Variants in CLNK observed in about 807,000 individuals in gnomAD.
The protein encoded by CLNK is cytokine dependent hematopoietic cell linker, also known as cytokine-dependent hematopoietic cell linker.
In CLNK, 74 loss-of-function variants were observed where a neutral mutation model predicts 68.6. The ratio of observed to expected loss-of-function variants is 1.08; its 90% CI spans 0.89 to 1.31. The LOEUF (loss-of-function observed/expected upper bound fraction) is 1.31. CLNK is among the 50% of genes most tolerant of loss of function. The probability of loss-of-function intolerance (pLI) is 0.00; values close to 1 mark genes in which losing one functional copy is unlikely to be tolerated. For missense variants in CLNK, 553 were observed against 515.3 expected, an observed-to-expected ratio of 1.07 and a Z score of -0.71; for synonymous variants, 198 against 172.2, an observed-to-expected ratio of 1.15 and a Z score of -1.17.
intron 2 of CLNK, among the ~76,000 whole-genome samples, chr4:10,606,119 CA>C (rs1475004916): frequency 2.6e-5 from 4 of 152,120 alleles, no homozygotes; most frequent in South Asian, 4.1e-4. Context: ...ACACTTAAAA[CA>C]AAAACACATT....
the CLNK span, among the ~76,000 whole-genome samples, chr4:10,711,847 C>A: frequency 2.6e-5 from 4 of 152,134 alleles, no homozygotes; most frequent in Non-Finnish European, 4.4e-5. Flanking sequence ...CCTGACTACT[C>A]CTGTGATCTG....
intron 1 of CLNK, among the ~76,000 whole-genome samples, chr4:10,670,636 G>A (rs575989540): frequency 3.3e-5 from 5 of 152,214 alleles, no homozygotes; most frequent in East Asian, 1.9e-4. Flanking sequence ...CTGGGCTTTC[G>A]TTTCTTCACC....
At chr4:10,560,681 C>A (rs931037743) in intron 7 of CLNK, among the ~76,000 whole-genome samples, 1 of 152,242 alleles carries the variant, frequency 6.6e-6, no homozygotes, top group East Asian at 1.9e-4. Context: ...TGGGCTCAAG[C>A]AATCCCCCTG....
intron 2 of CLNK, among the ~76,000 whole-genome samples, chr4:10,606,290 CT>C (rs1459576742): frequency 2.0e-5 from 3 of 152,184 alleles, no homozygotes; most frequent in African/African-American, 4.8e-5. Context: ...AATGGCATCA[CT>C]ACCTGCCGCC....
Position 10,490,482 on chromosome 4 carries a change from G to A in CLNK, c.1272C>T (p.His424=), listed in dbSNP as rs1716521523. The A allele has an allele frequency of 3.1e-6, 5 of 1,613,558 alleles. No homozygotes were observed. Among genetic ancestry groups the A allele is most frequent in the Non-Finnish European group, 4.2e-6 (5 of 1,179,758 alleles). The change falls in exon 19 of 19, where the codon CAC becomes CAT. Residue 424 remains histidine, a synonymous_variant. Coordinates refer to ENST00000226951, the MANE Select transcript of CLNK (RefSeq NM_052964.4). The part of the protein sequence containing the change: ...HLTQPLPLTR[H]LLPL ...AAAGACCAGGCTACAGAGGCAAGAG[G>A]TGTCTGGTGAGAGGGAGTGGCTGAG...
chr4:10,540,557 G>T lies in CLNK; in HGVS notation c.539C>A (p.Pro180Gln). 6.2e-7 allele frequency: 1 copy of T among 1,613,888 alleles called. No individual in the cohort carries two copies. ...PKKYQPLPPE[P>Q]ESSRPPLSQR... Reference sequence around the variant, plus strand: ...AGATAAAGGTGGCCTGCTGCTCTCCGGCTCAGGGGGCAAGGGTTGGTACTT... The same window carrying T: ...AGATAAAGGTGGCCTGCTGCTCTCCTGCTCAGGGGGCAAGGGTTGGTACTT... The change falls in exon 11 of 19, where the codon CCG (proline) becomes CAG (glutamine). Residue 180 changes from proline (P) to glutamine (Q), a missense_variant. Coordinates refer to ENST00000226951, the MANE Select transcript of CLNK (RefSeq NM_052964.4).
In CLNK at chr4:10,503,024, T is replaced by C. The variant is rs188142419; in HGVS notation, c.985-1613A>G. Among the ~76,000 whole-genome samples the C allele has an allele frequency of 2.3e-3, 346 of 152,312 alleles. 1 individual carries two copies. Among genetic ancestry groups the C allele is most frequent in the African/African-American group, 7.3e-3 (303 of 41,572 alleles). ...GATACTAAGATCTGGTTGTAAAAGATTGAGAAATGGAGCAGTCCTCCTGAA... is the reference window on the plus strand; with the variant it reads ...GATACTAAGATCTGGTTGTAAAAGACTGAGAAATGGAGCAGTCCTCCTGAA... On this transcript the variant is annotated intron_variant, in intron 17 of 18. Coordinates refer to ENST00000226951, the MANE Select transcript of CLNK (RefSeq NM_052964.4).
At chr4:10,568,764 C>T (rs61795103) in intron 5 of CLNK, among the ~76,000 whole-genome samples, 6,201 of 152,266 alleles carry the variant, frequency 0.041, 191 homozygotes, top group Middle Eastern at 0.095. Context: ...GAGAATGCAG[C>T]CCTGCCAGCA....
At chr4:10,502,778 C>G (rs972973282) in intron 17 of CLNK, among the ~76,000 whole-genome samples, 1 of 151,728 alleles carries the variant, frequency 6.6e-6, no homozygotes, top group African/African-American at 2.4e-5. Context: ...GAATTGTAGC[C>G]TATGTTGAGG....
intron 8 of CLNK, among the ~76,000 whole-genome samples, chr4:10,555,517 C>T (rs1719634775): frequency 6.6e-6 from 1 of 152,104 alleles, no homozygotes; most frequent in African/African-American, 2.4e-5. Flanking sequence ...TAAACTTTTA[C>T]CTATTTTTAG....
intron 5 of CLNK, among the ~76,000 whole-genome samples, chr4:10,569,834 C>T (rs903997530): frequency 1.3e-5 from 2 of 152,204 alleles, no homozygotes; most frequent in African/African-American, 4.8e-5. Context: ...ACTAAACCCA[C>T]CTTATCTTGT....
the CLNK span, among the ~76,000 whole-genome samples, chr4:10,725,716 G>T: frequency 6.6e-6 from 1 of 152,062 alleles, no homozygotes; most frequent in East Asian, 1.9e-4. Context: ...TTAGCCGGGC[G>T]TGTTGGCGGG....
At chr4:10,653,618 C>G (rs971410703) in intron 2 of CLNK, among the ~76,000 whole-genome samples, 1 of 151,988 alleles carries the variant, frequency 6.6e-6, no homozygotes, top group Non-Finnish European at 1.5e-5. Context: ...ATTTAATTAA[C>G]AAAGCACCTA....
the CLNK span, among the ~76,000 whole-genome samples, chr4:10,694,556 C>G: frequency 2.0e-5 from 3 of 152,122 alleles, no homozygotes; most frequent in African/African-American, 7.2e-5. Flanking sequence ...ACATGCTGTA[C>G]AGGTTTGTAG....
At position 10,639,798 on chromosome 4, in the gene CLNK, G is replaced by T. The variant is rs567014587; in HGVS notation, c.11+28061C>A. ...TAGAACATTTCCATCATCACAGAAA[G>T]GTCTGTTGGGTGGTGCTGCTCTGAA... On this transcript the variant is annotated intron_variant, in intron 2 of 18. Transcript: ENST00000226951. Among the ~76,000 whole-genome samples the T allele has an allele frequency of 8.5e-5, 13 of 152,322 alleles. 1 individual carries two copies. The South Asian group carries it at 2.3e-3, about 27-fold the overall frequency.
chr4:10,715,035 T>C, the CLNK span, among the ~76,000 whole-genome samples: 6 of 152,262 alleles, frequency 3.9e-5, no homozygotes, highest in Non-Finnish European at 8.8e-5. Context: ...TTTATGACTA[T>C]ATTTTATTTT....
At position 10,602,805 on chromosome 4, in the gene CLNK, G is replaced by A. The variant is rs7694908; in HGVS notation, c.12-4756C>T. 6.1e-3 allele frequency among the ~76,000 whole-genome samples: 936 copies of A among 152,286 alleles called. 17 individuals carry two copies. In the East Asian group the frequency reaches 0.064, roughly 10 times the overall value. The stretch of plus-strand genomic sequence containing the variant: ...TGCAATAGGCACAATGATAAAAAAT[G>A]TACACATGGTCTAGAAGAAAAACGA... On this transcript the variant is annotated intron_variant, in intron 2 of 18. Transcript: ENST00000226951.
At chr4:10,548,667 A>G (rs1361869375) in intron 8 of CLNK, among the ~76,000 whole-genome samples, 2 of 152,034 alleles carry the variant, frequency 1.3e-5, no homozygotes, top group African/African-American at 2.4e-5. Flanking sequence ...ATCCACCCCA[A>G]ATTGATTTCC....
At chr4:10,688,162 C>A (rs115326576), upstream of CLNK, among the ~76,000 whole-genome samples, 431 of 152,274 alleles carry the variant, frequency 2.8e-3, 4 homozygotes, top group African/African-American at 9.9e-3. Flanking sequence ...TTGGGCCTGT[C>A]TCACAGTGCC....
Sources: gnomAD v4.1 joint callset for allele counts (sites outside exome capture counted in the v4.1 genomes callset) on GRCh38, gnomAD v4.1.1 for gene constraint, MANE v1.5 for transcripts, NCBI Gene and HGNC (gene_info 2026-07-23, HGNC 2026-07-21) for gene names.